The following NHSL1 variants were observed in gnomAD, a reference collection of about 807,000 sequenced individuals.
NHSL1 encodes the protein NHS like 1, also known as NHS-like protein 1.
Under a neutral mutation model 95.0 loss-of-function variants are expected in NHSL1, and 48 were observed. The observed-to-expected ratio is 0.51, with a 90% confidence interval of 0.40 to 0.64. NHSL1 has a LOEUF of 0.64. NHSL1 is among the 30% of genes least tolerant of loss of function. NHSL1 has a pLI of 0.00. For missense variants in NHSL1, 1,971 were observed against 2,077.7 expected (o/e 0.95, Z 1.00); for synonymous variants, 783 against 833.9 (o/e 0.94, Z 1.05).
In NHSL1 at chr6:138,659,721, G is replaced by GTT. The variant is rs35077038; in HGVS notation, c.96+32753_96+32754dup. Among the ~76,000 whole-genome samples the GTT allele has an allele frequency of 5.7e-3, 732 of 128,640 alleles. 4 individuals are homozygous for GTT. The highest frequency in any genetic ancestry group is 0.021 in the African/African-American group (669 of 31,866). 84.4% of individuals were successfully genotyped at this position (128,640 alleles called of 152,430 possible). ...ATTTTTCCTACCACGTTTTTTTTTT[G>GTT]TTTTTTTTTTTTTGAGATGGAGTCT... On this transcript the variant is annotated intron_variant, in intron 1 of 3. Coordinates refer to the NHSL1 transcript ENST00000491526.
At chr6:138,670,057 G>A (rs1310381860) in intron 1 of NHSL1, among the ~76,000 whole-genome samples, 1 of 152,060 alleles carries the variant, frequency 6.6e-6, no homozygotes. Flanking sequence ...GGAGGTGGAG[G>A]TTGCAGTGAG....
intron 1 of NHSL1, among the ~76,000 whole-genome samples, chr6:138,539,984 GAC>G (rs1456543186): frequency 7.9e-5 from 12 of 152,330 alleles, no homozygotes; most frequent in Admixed American, 4.6e-4. Context: ...TCAAGGGAAA[GAC>G]AAAAGAAATA....
At chr6:138,473,523 T>C in intron 2 of NHSL1, 90 bp from the exon 3 acceptor site, 1 of 1,280,692 alleles carries the variant, frequency 7.8e-7, no homozygotes. Context: ...TTTTTTACTT[T>C]TTAAAGTTAT....
At chr6:138,650,109 G>A (rs1175536340) in intron 1 of NHSL1, 17 of 523,824 alleles carry the variant, frequency 3.2e-5, no homozygotes, top group East Asian at 5.4e-5. Context: ...CCGGCTGGGC[G>A]GGAGCACATC....
intron 1 of NHSL1, among the ~76,000 whole-genome samples, chr6:138,620,638 A>G (rs1335600813): frequency 5.3e-5 from 8 of 152,254 alleles, no homozygotes; most frequent in Admixed American, 5.2e-4. Context: ...TTATCTGTAT[A>G]TAACAATCCA....
chr6:138,563,628 T>C (rs903379027), intron 1 of NHSL1, among the ~76,000 whole-genome samples: 1 of 152,234 alleles, frequency 6.6e-6, no homozygotes, highest in African/African-American at 2.4e-5. Flanking sequence ...ATTTATTCAA[T>C]AAATAAATTG....
At chr6:138,580,597 T>G (rs987549993) in intron 1 of NHSL1, among the ~76,000 whole-genome samples, 3 of 152,150 alleles carry the variant, frequency 2.0e-5, no homozygotes, top group Non-Finnish European at 1.5e-5. Flanking sequence ...TACCAACAAT[T>G]TAACAACCAG....
At chr6:138,636,319 G>C (rs1784888555) in intron 1 of NHSL1, among the ~76,000 whole-genome samples, 1 of 151,570 alleles carries the variant, frequency 6.6e-6, no homozygotes, top group African/African-American at 2.4e-5. Context: ...ATAATGAACA[G>C]GGAAAAAGTA....
At chr6:138,458,803 C>T (rs1301628402) in intron 3 of NHSL1, among the ~76,000 whole-genome samples, 3 of 125,108 alleles carry the variant, frequency 2.4e-5, no homozygotes, top group Admixed American at 9.0e-5. Context: ...TCCAGCCTGG[C>T]AACAGAGTAC....
chr6:138,680,179 T>C (rs993786372), intron 1 of NHSL1, among the ~76,000 whole-genome samples: 3 of 152,220 alleles, frequency 2.0e-5, no homozygotes, highest in Non-Finnish European at 2.9e-5. Context: ...TCTATACTTA[T>C]GAATAATGCT....
chr6:138,449,016 C>A (rs916330153), intron 3 of NHSL1, among the ~76,000 whole-genome samples: 2 of 147,644 alleles, frequency 1.4e-5, no homozygotes, highest in Non-Finnish European at 3.0e-5. Flanking sequence ...CGCACCATTG[C>A]GCCCCAGCCT....
chr6:138,640,287 T>C (rs1163828742), intron 1 of NHSL1, among the ~76,000 whole-genome samples: 1 of 152,216 alleles, frequency 6.6e-6, no homozygotes, highest in African/African-American at 2.4e-5. Flanking sequence ...TTCTGAGTTT[T>C]AGGCTAGGGC....
intron 5 of NHSL1, among the ~76,000 whole-genome samples, chr6:138,436,627 C>T (rs1381224440): frequency 3.9e-5 from 6 of 152,204 alleles, no homozygotes; most frequent in South Asian, 2.1e-4. Context: ...TGGCTATACT[C>T]GACAACAGGT....
chr6:138,668,625 T>C (rs1032930587), intron 1 of NHSL1, among the ~76,000 whole-genome samples: 2 of 148,718 alleles, frequency 1.3e-5, no homozygotes, highest in African/African-American at 5.0e-5. Flanking sequence ...AATTTTTTTT[T>C]CTTTTTTTTT....
intron 3 of NHSL1, among the ~76,000 whole-genome samples, chr6:138,459,336 T>C (rs991795712): frequency 2.6e-5 from 4 of 152,226 alleles, no homozygotes; most frequent in Non-Finnish European, 4.4e-5. Flanking sequence ...CCTTTTCTTA[T>C]TAAATGTATC....
chr6:138,473,668 G>C (rs1778893479), intron 2 of NHSL1, among the ~76,000 whole-genome samples: 1 of 151,924 alleles, frequency 6.6e-6, no homozygotes, highest in Non-Finnish European at 1.5e-5. Context: ...ATTGTATTCA[G>C]AGATCACAAC....
intron 1 of NHSL1, among the ~76,000 whole-genome samples, chr6:138,607,824 C>T (rs1202714047): frequency 1.3e-5 from 2 of 152,170 alleles, no homozygotes; most frequent in Non-Finnish European, 2.9e-5. Flanking sequence ...TTTGTAATGT[C>T]TTCAAATTCA....
intron 1 of NHSL1, among the ~76,000 whole-genome samples, chr6:138,679,824 C>A (rs1785490898): frequency 6.6e-6 from 1 of 152,062 alleles, no homozygotes; most frequent in Admixed American, 6.5e-5. Flanking sequence ...GCTACACTTT[C>A]AAAATTCAGG....
At chr6:138,591,540 T>C (rs1260624336) in intron 1 of NHSL1, among the ~76,000 whole-genome samples, 1 of 152,142 alleles carries the variant, frequency 6.6e-6, no homozygotes, top group Non-Finnish European at 1.5e-5. Context: ...CCTCAGCCTC[T>C]TGAGTGGCTG....
Sources: allele counts gnomAD v4.1 joint callset (sites outside exome capture counted in the v4.1 genomes callset), GRCh38; gene constraint gnomAD v4.1.1; transcripts MANE v1.5; gene names NCBI Gene and HGNC (gene_info 2026-07-23, HGNC 2026-07-21).